Variants in DTWD2 observed in about 807,000 individuals in gnomAD.
The protein encoded by DTWD2 is tRNA-uridine aminocarboxypropyltransferase 2.
DTWD2 carries 39 observed loss-of-function variants against 31.8 expected under a neutral mutation model. The observed-to-expected ratio is 1.22, with a 90% confidence interval of 0.95 to 1.60. The LOEUF is 1.60. DTWD2 is among the 40% of genes most tolerant of loss of function. The probability of loss-of-function intolerance (pLI) is 0.00; values close to 1 mark genes in which losing one functional copy is unlikely to be tolerated. For synonymous variants in DTWD2, 180 were observed against 142.8 expected, an observed-to-expected ratio of 1.26 and a Z score of -1.86; for missense variants, 515 against 381.5, an observed-to-expected ratio of 1.35 and a Z score of -2.92.
At chr5:118,862,842 T>C (rs1752293320) in intron 4 of DTWD2, among the ~76,000 whole-genome samples, 1 of 152,216 alleles carries the variant, frequency 6.6e-6, no homozygotes, top group Non-Finnish European at 1.5e-5. Flanking sequence ...GGGGTCATCA[T>C]ATGAGCCAAT....
intron 1 of DTWD2, among the ~76,000 whole-genome samples, chr5:118,948,242 G>A (rs1469401209): frequency 2.6e-5 from 4 of 152,036 alleles, no homozygotes; most frequent in African/African-American, 7.2e-5. Context: ...TTGGGAGGCC[G>A]AGGCGGGCGG....
At chr5:118,874,472 T>A (rs566187452) in intron 4 of DTWD2, among the ~76,000 whole-genome samples, 42 of 152,198 alleles carry the variant, frequency 2.8e-4, no homozygotes, top group African/African-American at 1.0e-3. Flanking sequence ...CATAACACAA[T>A]GCAGGTGCTG....
chr5:118,841,713 G>C (rs1404194821), intron 5 of DTWD2, among the ~76,000 whole-genome samples: 3 of 151,820 alleles, frequency 2.0e-5, no homozygotes, highest in Non-Finnish European at 4.4e-5. Flanking sequence ...AGCCAACAGA[G>C]AATAGTGGCG....
intron 2 of DTWD2, among the ~76,000 whole-genome samples, chr5:118,941,738 C>T (rs1371032811): frequency 6.6e-6 from 1 of 152,144 alleles, no homozygotes; most frequent in African/African-American, 2.4e-5. Context: ...GTTCTAGATC[C>T]CTGAGGAATC....
intron 1 of DTWD2, among the ~76,000 whole-genome samples, chr5:118,985,652 A>ACGGC (rs766421288): frequency 6.6e-5 from 10 of 151,658 alleles, no homozygotes; most frequent in Non-Finnish European, 1.5e-4. Flanking sequence ...TTACTCCACG[A>ACGGC]CGGCCTAATT....
intron 4 of DTWD2, among the ~76,000 whole-genome samples, chr5:118,886,143 T>C (rs1752863198): frequency 6.6e-6 from 1 of 152,254 alleles, no homozygotes; most frequent in African/African-American, 2.4e-5. Context: ...TTAATTAACA[T>C]ACTGTCTATC....
At chr5:118,958,233 T>C (rs1397848018) in intron 1 of DTWD2, among the ~76,000 whole-genome samples, 1 of 152,074 alleles carries the variant, frequency 6.6e-6, no homozygotes, top group Non-Finnish European at 1.5e-5. Flanking sequence ...GGTGGGCAGA[T>C]CATGAGGTCA....
chr5:118,850,760 C>T (rs1207104098), intron 4 of DTWD2, among the ~76,000 whole-genome samples: 1 of 152,080 alleles, frequency 6.6e-6, no homozygotes, highest in African/African-American at 2.4e-5. Flanking sequence ...TATTTGCAAA[C>T]TATGCATCCA....
At chr5:118,859,659 G>A (rs1752215905) in intron 4 of DTWD2, among the ~76,000 whole-genome samples, 1 of 152,062 alleles carries the variant, frequency 6.6e-6, no homozygotes, top group South Asian at 2.1e-4. Flanking sequence ...TTATTAATAT[G>A]AAATAGTCAC....
intron 4 of DTWD2, among the ~76,000 whole-genome samples, chr5:118,913,338 C>G (rs891450282): frequency 6.6e-6 from 1 of 150,500 alleles, no homozygotes; most frequent in African/African-American, 2.4e-5. Flanking sequence ...GGTCTTCAGC[C>G]TATTGGTATA....
At chr5:118,941,583 G>A (rs1383871232) in intron 2 of DTWD2, among the ~76,000 whole-genome samples, 1 of 152,104 alleles carries the variant, frequency 6.6e-6, no homozygotes, top group Non-Finnish European at 1.5e-5. Flanking sequence ...TATCATTGTT[G>A]GACATTTAGG....
At chr5:118,907,283 G>A (rs1002601371) in intron 4 of DTWD2, among the ~76,000 whole-genome samples, 2 of 152,180 alleles carry the variant, frequency 1.3e-5, no homozygotes, top group African/African-American at 2.4e-5. Context: ...AACATTTCAA[G>A]TGGTTATTTT....
In DTWD2 at chr5:118,846,550, C is replaced by G. The variant is rs1751857125; in HGVS notation, c.726+1540G>C. Reference sequence around the variant, plus strand: ...GGGTCCTTGTTTGGTCTGATGTTGTCTGATCCTAGAGTTTTACATCAACAA... The same window carrying G: ...GGGTCCTTGTTTGGTCTGATGTTGTGTGATCCTAGAGTTTTACATCAACAA... On this transcript the variant is annotated intron_variant, in intron 5 of 5. Transcript: ENST00000510708. Among the ~76,000 whole-genome samples the G allele has an allele frequency of 2.0e-5, 3 of 152,086 alleles. No homozygotes were observed. In the South Asian group the frequency reaches 6.2e-4, roughly 32 times the overall value.
intron 4 of DTWD2, among the ~76,000 whole-genome samples, chr5:118,883,193 T>C (rs1752781280): frequency 6.6e-6 from 1 of 152,234 alleles, no homozygotes; most frequent in South Asian, 2.1e-4. Flanking sequence ...CCAGTCTCTT[T>C]GCTAAAGCAT....
Position 118,985,517 on chromosome 5 carries a change from T to TATATATATATATATATAC in DTWD2, c.218+2776_218+2777insGTATATATATATATATAT, listed in dbSNP as rs1554072595. Among the ~76,000 whole-genome samples, 827 of 107,410 alleles carry TATATATATATATATATAC rather than the reference T, an allele frequency of 7.7e-3. 10 individuals are homozygous for TATATATATATATATATAC. The highest frequency in any genetic ancestry group is 0.012 in the Non-Finnish European group (611 of 48,906). The allele number at this position is 107,410 out of a possible 152,430, so 70.5% of individuals were successfully genotyped here. A position where few individuals can be genotyped will look rare whatever the true frequency, so the allele number is the denominator to read the frequency against. On this transcript the variant is annotated intron_variant, in intron 1 of 5. Transcript: ENST00000510708. ...ATATATATATATATATATATATATATACACACACATATATACATACATATA... is the reference window on the plus strand; with the variant it reads ...ATATATATATATATATATATATATATATATATATATATATATACACACACACATATATACATACATATA...
At chr5:118,852,457 C>A (rs537910239) in intron 4 of DTWD2, among the ~76,000 whole-genome samples, 107 of 152,292 alleles carry the variant, frequency 7.0e-4, no homozygotes, top group African/African-American at 2.5e-3. Flanking sequence ...TGTGCTGCGA[C>A]TCCAGCTGGT....
At chr5:118,876,711 A>C (rs954958503) in intron 4 of DTWD2, among the ~76,000 whole-genome samples, 1 of 152,160 alleles carries the variant, frequency 6.6e-6, no homozygotes, top group African/African-American at 2.4e-5. Flanking sequence ...ACCAATAATG[A>C]GCTCTGAAAT....
intron 4 of DTWD2, among the ~76,000 whole-genome samples, chr5:118,885,014 A>C (rs1230830219): frequency 2.0e-5 from 3 of 149,294 alleles, no homozygotes; most frequent in African/African-American, 7.4e-5. Flanking sequence ...AAAAAAAAAA[A>C]AAAAATCGTC....
chr5:118,973,364 A>G (rs896418069), intron 1 of DTWD2, among the ~76,000 whole-genome samples: 1 of 151,926 alleles, frequency 6.6e-6, no homozygotes, highest in African/African-American at 2.4e-5. Flanking sequence ...GGTCTTCACA[A>G]TTTGGTATGT....
Sources: allele counts gnomAD v4.1 joint callset (sites outside exome capture counted in the v4.1 genomes callset), GRCh38; gene constraint gnomAD v4.1.1; transcripts MANE v1.5; gene names NCBI Gene and HGNC (gene_info 2026-07-23, HGNC 2026-07-21).